RASGRP4: variants seen among roughly 807,000 people sequenced by gnomAD.
RASGRP4 encodes the protein RAS guanyl-releasing protein 4.
In RASGRP4, 52 loss-of-function variants were observed where a neutral mutation model predicts 84.4. The observed-to-expected ratio is 0.62, with a 90% confidence interval of 0.49 to 0.78. The LOEUF (loss-of-function observed/expected upper bound fraction) is 0.78. Among genes scored for constraint, RASGRP4 ranks in the 30% least tolerant of loss-of-function variants. RASGRP4 has a pLI of 0.00. For synonymous variants in RASGRP4, 356 were observed against 359.1 expected, an observed-to-expected ratio of 0.99 and a Z score of 0.10; for missense variants, 760 against 886.9, an observed-to-expected ratio of 0.86 and a Z score of 1.82.
Position 38,421,217 on chromosome 19 carries a change from G to A in RASGRP4, c.209-17C>T, listed in dbSNP as rs1025833348. The A allele has an allele frequency of 7.6e-6, 12 of 1,574,178 alleles. No homozygotes were observed. Among genetic ancestry groups the A allele is most frequent in the African/African-American group, 1.3e-5 (1 of 74,158 alleles). ...CAGCTGAATCTGGGGTGGAAGGAGG[G>A]GTACTCTGTGACAGAATGGCCCTCA... is the stretch of plus-strand genomic sequence containing the variant. On this transcript the variant is annotated splice_polypyrimidine_tract_variant and intron_variant, in intron 2 of 16. Transcript: ENST00000615439.
In RASGRP4 at chr19:38,422,784, C is replaced by T. The variant is rs548392605; in HGVS notation, c.24-631G>A. On this transcript the variant is annotated intron_variant, in intron 1 of 16. Transcript: ENST00000615439. ...TGCGTAACTATTTCATTATATATTA[C>T]AATGTAATAATAATAAAAATAAAGC... Among the ~76,000 whole-genome samples the T allele has an allele frequency of 1.2e-4, 19 of 152,040 alleles. No homozygotes were observed. The East Asian group carries it at 3.7e-3, about 29-fold the overall frequency.
At chr19:38,411,696 A>G (rs899075636) in intron 13 of RASGRP4, 34 of 249,784 alleles carry the variant, frequency 1.4e-4, no homozygotes. Context: ...CCATCTCTTA[A>G]CAAAATAAAT....
intron 2 of RASGRP4, among the ~76,000 whole-genome samples, 174 bp downstream of exon 2, chr19:38,421,795 T>C (rs1971764499): frequency 6.7e-6 from 1 of 150,340 alleles, no homozygotes. Context: ...TAAATGTATA[T>C]ATTTCCATTT....
intron 13 of RASGRP4, chr19:38,411,671 G>C: frequency 2.7e-6 from 1 of 376,506 alleles, no homozygotes; most frequent in Non-Finnish European, 4.8e-6. Context: ...TCCAGCCTGG[G>C]TAATAGAGCA....
At chr19:38,410,118 G>A (rs761959276) in intron 16 of RASGRP4, 22 bp from the exon 17 acceptor site, 54 of 1,600,400 alleles carry the variant, frequency 3.4e-5, no homozygotes, top group Non-Finnish European at 4.2e-5. Context: ...AAGGGAGGAA[G>A]AAAGATGACA....
Position 38,413,211 on chromosome 19 carries a change from A to G in RASGRP4, c.1398T>C (p.His466=), listed in dbSNP as rs750924146. The part of the protein sequence containing the change: ...PKPDRVTLGR[H]VEQLVESVFK... ...TCCTTACCTCCACCAGCTGCTCCAC[A>G]TGCCGACCCAGTGTGACCCTGTCCG... Residue 466 remains histidine, a synonymous_variant, in exon 11 of 17, where the codon CAT becomes CAC. Transcript: ENST00000615439. The surrounding 1 kb of genome is among the most constrained non-coding windows in gnomAD (Gnocchi z 4.7). 1.4e-4 allele frequency: 227 copies of G among 1,613,410 alleles called. 4 individuals are homozygous for G. The Middle Eastern group carries it at 0.013, about 93-fold the overall frequency.
intron 1 of RASGRP4, among the ~76,000 whole-genome samples, chr19:38,422,699 G>A (rs1215769545): frequency 6.6e-6 from 1 of 152,096 alleles, no homozygotes; most frequent in Non-Finnish European, 1.5e-5. Context: ...CCCCAGATGG[G>A]AGCATCCAGT....
In RASGRP4 at chr19:38,412,724, A is replaced by G; in HGVS notation, c.1628T>C (p.Phe543Ser). The G allele has an allele frequency of 6.2e-7, 1 of 1,612,836 alleles. No homozygotes were observed. The highest frequency in any genetic ancestry group is 8.5e-7 in the Non-Finnish European group (1 of 1,179,440). The change falls in exon 13 of 17, where the codon TTC (phenylalanine) becomes TCC (serine). Residue 543 changes from phenylalanine to serine, a missense_variant. Phe to Ser is a radical substitution (Grantham distance 155). Transcript: ENST00000615439. The surrounding 1 kb of genome is among the most constrained non-coding windows in gnomAD (Gnocchi z 4.6). ...SKLGLAFLHT[F>S]HEVTFRKPTF... ...AGGCTTTCGGAAGGTGACCTCATGG[A>G]AGGTGTGCAGGAAGGCCAGGCCCAA...
chr19:38,420,192 A>G lies in RASGRP4; in HGVS notation c.448T>C (p.Trp150Arg). 1 of 1,613,286 alleles carries G rather than the reference A, an allele frequency of 6.2e-7. No homozygotes were observed. The highest frequency in any genetic ancestry group is 1.3e-5 in the African/African-American group (1 of 75,048). Residue 150 changes from tryptophan (W) to arginine (R), a missense_variant, in exon 5 of 17, where the codon TGG becomes CGG. Physicochemically the swap from Trp to Arg is moderately radical, Grantham distance 101. Coordinates refer to ENST00000615439, the MANE Select transcript of RASGRP4 (RefSeq NM_170604.3). ...PQLEEVIGRF[W>R]ATVAREGNSA... ...TTGCCCTCCCGGGCCACGGTGGCCC[A>G]GAAACGACCTATGACTTCTTCTAGC...
chr19:38,425,845 G>T (rs1260541974), intron 1 of RASGRP4, among the ~76,000 whole-genome samples: 3 of 152,090 alleles, frequency 2.0e-5, no homozygotes. Flanking sequence ...TGGAAAAGGG[G>T]CACGGAGCAG....
Position 38,419,207 on chromosome 19 carries a change from C to T in RASGRP4, c.664-643G>A, listed in dbSNP as rs1026975490. ...TATGTTGAAGCACATGAAACTGATC[C>T]TTGGGTAGGTAATATATGACAATTT... On this transcript the variant is annotated intron_variant, in intron 6 of 16. Transcript: ENST00000615439. 3.3e-5 allele frequency among the ~76,000 whole-genome samples: 5 copies of T among 152,086 alleles called. No homozygotes were observed. The East Asian group carries it at 9.7e-4, about 29-fold the overall frequency.
Position 38,412,671 on chromosome 19 carries a change from C to T in RASGRP4, c.1680+1G>A, listed in dbSNP as rs1198272279. ...GGGTGGTGATGGGGTGGGGTGCTCA[C>T]GAAGCCACTGCAGCTGTCGCAGAAG... On this transcript the variant is annotated splice_donor_variant, in intron 13 of 16. Coordinates refer to ENST00000615439, the MANE Select transcript of RASGRP4 (RefSeq NM_170604.3). LOFTEE classifies it high-confidence loss of function. This position sits in a 1 kb window ranked among gnomAD's most constrained non-coding sequence, Gnocchi z 4.6. 1.9e-6 allele frequency: 3 copies of T among 1,612,078 alleles called. No homozygotes were observed. The highest frequency in any genetic ancestry group is 1.3e-5 in the African/African-American group (1 of 74,890).
chr19:38,423,536 TA>T (rs1971851692), intron 1 of RASGRP4, among the ~76,000 whole-genome samples: 1 of 149,378 alleles, frequency 6.7e-6, no homozygotes, highest in East Asian at 2.0e-4. Flanking sequence ...AAAATAATAA[TA>T]AAAAAATTAA....
In RASGRP4 at chr19:38,409,962, A is replaced by G. The variant is rs1198284201; in HGVS notation, c.*78T>C. Reference sequence around the variant, plus strand: ...ATGCCTCTGGAGGCCTACCTCTGGGAGCCCTGCCAGAGTCTGACGGCAGGA... The same window carrying G: ...ATGCCTCTGGAGGCCTACCTCTGGGGGCCCTGCCAGAGTCTGACGGCAGGA... On this transcript the variant is annotated 3_prime_UTR_variant, in exon 17 of 17. Transcript: ENST00000615439. 3.3e-6 allele frequency: 4 copies of G among 1,197,422 alleles called. No individual in the cohort carries two copies. In the African/African-American group the frequency reaches 6.2e-5, roughly 19 times the overall value. 74.2% of individuals were successfully genotyped at this position (1,197,422 alleles called of 1,614,324 possible).
Position 38,413,029 on chromosome 19 carries a change from G to C in RASGRP4, c.1437C>G (p.Asp479Glu). 1 of 1,613,918 alleles carries C rather than the reference G, an allele frequency of 6.2e-7. No individual in the cohort carries two copies. Residue 479 changes from aspartate to glutamate, a missense_variant, in exon 12 of 17, where the codon GAC becomes GAG. Asp to Glu is a conservative substitution (Grantham distance 45, BLOSUM62 2). Transcript: ENST00000615439. The surrounding 1 kb of genome is among the most constrained non-coding windows in gnomAD (Gnocchi z 4.7). Reference sequence around the variant, plus strand: ...GAGAGATTGTTCCTCGGCCTTCAGGGTCATAATTCTTGAACACAGACTTCA... The same window carrying C: ...GAGAGATTGTTCCTCGGCCTTCAGGCTCATAATTCTTGAACACAGACTTCA... ...QLVESVFKNYDPEGRGTISQE... is the reference protein window; with the variant it reads ...QLVESVFKNYEPEGRGTISQE...
intron 8 of RASGRP4, among the ~76,000 whole-genome samples, chr19:38,415,652 C>T (rs368803125): frequency 1.7e-4 from 26 of 151,972 alleles, no homozygotes; most frequent in African/African-American, 6.3e-4. Flanking sequence ...GGATTACAGG[C>T]GTTAGCCATC....
Position 38,412,652 on chromosome 19 carries a change from T to C in RASGRP4, c.1680+20A>G. 1.9e-6 allele frequency: 3 copies of C among 1,608,798 alleles called. No homozygotes were observed. Among genetic ancestry groups the C allele is most frequent in the Non-Finnish European group, 2.5e-6 (3 of 1,177,538 alleles). ...CAGGACAGATGGAACCTAAGGGTGGTGATGGGGTGGGGTGCTCACGAAGCC... is the reference window on the plus strand; with the variant it reads ...CAGGACAGATGGAACCTAAGGGTGGCGATGGGGTGGGGTGCTCACGAAGCC... On this transcript the variant is annotated intron_variant, in intron 13 of 16. Coordinates refer to ENST00000615439, the MANE Select transcript of RASGRP4 (RefSeq NM_170604.3). This position sits in a 1 kb window ranked among gnomAD's most constrained non-coding sequence, Gnocchi z 4.6.
intron 13 of RASGRP4, 139 bp from the exon 14 acceptor site, chr19:38,411,520 G>A: frequency 2.3e-6 from 2 of 861,436 alleles, no homozygotes; most frequent in Non-Finnish European, 3.5e-6. Flanking sequence ...GGAATTAAAG[G>A]AATGTGGGTG....
Position 38,411,183 on chromosome 19 carries a change from C to T in RASGRP4, c.1784G>A (p.Gly595Glu), listed in dbSNP as rs377244167. Residue 595 changes from glycine (G) to glutamate (E), a missense_variant, in exon 15 of 17, where the codon GGG becomes GAG. Transcript: ENST00000615439. Reference protein sequence around the residue: ...QVKVECKKRPGAKGDAGPPGA... With the variant: ...QVKVECKKRPEAKGDAGPPGA... Reference sequence around the variant, plus strand: ...GGGGGGTCCTGCATCGCCCTTGGCCCCTGGCCTCTTCTTACATTCTACCTT... The same window carrying T: ...GGGGGGTCCTGCATCGCCCTTGGCCTCTGGCCTCTTCTTACATTCTACCTT... The T allele has an allele frequency of 8.7e-6, 14 of 1,613,830 alleles. No individual in the cohort carries two copies. In the African/African-American group the frequency reaches 1.7e-4, roughly 20 times the overall value.
Sources: gnomAD v4.1 joint callset for allele counts (sites outside exome capture counted in the v4.1 genomes callset) on GRCh38, gnomAD v4.1.1 for gene constraint, Gnocchi (gnomAD v3.1) non-coding constraint, MANE v1.5 for transcripts, NCBI Gene and HGNC (gene_info 2026-07-23, HGNC 2026-07-21) for gene names.